Variants in MGAT4C observed in about 807,000 individuals in gnomAD.
MGAT4C encodes the protein alpha-1,3-mannosyl-glycoprotein 4-beta-N-acetylglucosaminyltransferase C.
A neutral mutation model predicts 40.1 loss-of-function variants in MGAT4C; 19 were observed. The observed-to-expected ratio is 0.47, with a 90% CI of 0.33 to 0.70. MGAT4C has a LOEUF of 0.70. Among genes scored for constraint, MGAT4C ranks in the 30% least tolerant of loss-of-function variants. The pLI is 0.02. For synonymous variants in MGAT4C, 181 were observed against 187.1 expected (o/e 0.97, Z 0.27); for missense variants, 491 against 563.2 (o/e 0.87, Z 1.30).
At chr12:86,041,568 C>T (rs1410762503) in intron 2 of MGAT4C, among the ~76,000 whole-genome samples, 4 of 152,168 alleles carry the variant, frequency 2.6e-5, no homozygotes, top group Non-Finnish European at 4.4e-5. Context: ...GCCTTAATCT[C>T]ATCGTTTACC....
chr12:86,334,598 C>T (rs1001169635), intron 3 of MGAT4C, among the ~76,000 whole-genome samples: 16 of 152,036 alleles, frequency 1.1e-4, no homozygotes, highest in Non-Finnish European at 2.9e-5. Flanking sequence ...ATTACCAATA[C>T]CATATCCAAT....
chr12:86,330,940 A>G (rs1268170096), intron 4 of MGAT4C, among the ~76,000 whole-genome samples: 1 of 152,152 alleles, frequency 6.6e-6, no homozygotes, highest in Non-Finnish European at 1.5e-5. Flanking sequence ...TCATATAGCA[A>G]TTATTATCCC....
chr12:86,547,244 G>A (rs945072499), intron 2 of MGAT4C, among the ~76,000 whole-genome samples: 4 of 151,954 alleles, frequency 2.6e-5, no homozygotes, highest in Non-Finnish European at 4.4e-5. Context: ...CCAAAGTGAA[G>A]CTTGTTTTTC....
At chr12:86,200,325 C>G (rs1437006423) in intron 1 of MGAT4C, among the ~76,000 whole-genome samples, 1 of 151,896 alleles carries the variant, frequency 6.6e-6, no homozygotes, top group Non-Finnish European at 1.5e-5. Context: ...TGACTCTTAC[C>G]TATAAAGCTT....
intron 4 of MGAT4C, among the ~76,000 whole-genome samples, chr12:86,276,837 G>T (rs924103655): frequency 6.6e-6 from 1 of 152,152 alleles, no homozygotes; most frequent in Non-Finnish European, 1.5e-5. Flanking sequence ...TTTGTCTGTT[G>T]ATGGACACTT....
At chr12:86,740,460 CA>C (rs1250195384) in intron 1 of MGAT4C, among the ~76,000 whole-genome samples, 2 of 150,844 alleles carry the variant, frequency 1.3e-5, no homozygotes, top group South Asian at 4.2e-4. Context: ...TTTTATTAAC[CA>C]AAAAGATAAT....
At chr12:86,030,644 A>G (rs1413938781) in intron 2 of MGAT4C, among the ~76,000 whole-genome samples, 6 of 151,908 alleles carry the variant, frequency 3.9e-5, no homozygotes, top group Non-Finnish European at 7.4e-5. Context: ...ATTGTTCCCA[A>G]TGGAATATTA....
At chr12:86,654,072 CT>C (rs1963773367) in intron 2 of MGAT4C, among the ~76,000 whole-genome samples, 1 of 151,962 alleles carries the variant, frequency 6.6e-6, no homozygotes, top group South Asian at 2.1e-4. Flanking sequence ...TAAGAAAGCA[CT>C]AAACAAAAAA....
chr12:86,307,534 T>C (rs1953965562), intron 4 of MGAT4C, among the ~76,000 whole-genome samples: 1 of 150,364 alleles, frequency 6.7e-6, no homozygotes, highest in South Asian at 2.1e-4. Flanking sequence ...GGAGAAATGC[T>C]GTCTATGCTC....
At chr12:86,505,461 A>T (rs1224206186) in intron 2 of MGAT4C, among the ~76,000 whole-genome samples, 1 of 152,172 alleles carries the variant, frequency 6.6e-6, no homozygotes, top group Non-Finnish European at 1.5e-5. Context: ...CCCACCTAAA[A>T]TTCTATACAT....
chr12:86,475,655 T>C (rs1342805200), intron 2 of MGAT4C, among the ~76,000 whole-genome samples: 1 of 152,042 alleles, frequency 6.6e-6, no homozygotes, highest in African/African-American at 2.4e-5. Flanking sequence ...AAATATGTTT[T>C]CAAGGGTATA....
At chr12:86,376,831 A>C (rs1311695373) in intron 3 of MGAT4C, among the ~76,000 whole-genome samples, 1 of 116,670 alleles carries the variant, frequency 8.6e-6, no homozygotes, top group Admixed American at 9.8e-5. Context: ...AGAGAGAGAG[A>C]GAGAGAGAGA....
intron 2 of MGAT4C, among the ~76,000 whole-genome samples, chr12:86,499,020 A>G (rs1958289335): frequency 6.6e-6 from 1 of 152,014 alleles, no homozygotes; most frequent in African/African-American, 2.4e-5. Flanking sequence ...GTAAATAAAC[A>G]GTGGAAGTAC....
In MGAT4C at chr12:86,010,616, T is replaced by G. The variant is rs550556163; in HGVS notation, c.-6-21064A>C. Among the ~76,000 whole-genome samples, 51 of 152,238 alleles carry G rather than the reference T, an allele frequency of 3.4e-4. No homozygotes were observed. The East Asian group carries it at 9.3e-3, about 28-fold the overall frequency. On this transcript the variant is annotated intron_variant, in intron 2 of 4. Coordinates refer to ENST00000611864, the MANE Select transcript of MGAT4C (RefSeq NM_001351288.2). ...TTGCTTGAAACCGGGAGGCGGAGGT[T>G]GCAGTGAGCTGAGGTTGTGCCATTG...
chr12:86,114,788 G>A (rs960661115), intron 1 of MGAT4C, among the ~76,000 whole-genome samples: 8 of 151,674 alleles, frequency 5.3e-5, no homozygotes, highest in East Asian at 1.9e-4. Flanking sequence ...TCTTCCAACC[G>A]CCCCCCGGCC....
At chr12:86,039,548 G>A (rs769973615) in intron 2 of MGAT4C, among the ~76,000 whole-genome samples, 3 of 151,978 alleles carry the variant, frequency 2.0e-5, no homozygotes, top group Non-Finnish European at 2.9e-5. Context: ...TGAAGTTCTC[G>A]TGCTGTGTTT....
chr12:86,119,401 G>A (rs1689363), intron 1 of MGAT4C, among the ~76,000 whole-genome samples: 86,982 of 151,702 alleles, frequency 0.57, 25,220 homozygotes, highest in South Asian at 0.71. Context: ...ACAAACTCCC[G>A]TTTTCATTAA....
intron 1 of MGAT4C, 73 bp downstream of exon 1, chr12:86,256,166 C>G (rs1952506846): frequency 6.6e-6 from 1 of 151,792 alleles, no homozygotes; most frequent in African/African-American, 2.4e-5. Context: ...CTTTTTGACC[C>G]TTATAATATT....
At chr12:86,338,339 C>A (rs576236779) in intron 3 of MGAT4C, among the ~76,000 whole-genome samples, 1 of 152,216 alleles carries the variant, frequency 6.6e-6, no homozygotes, top group South Asian at 2.1e-4. Flanking sequence ...CCAGCTGATA[C>A]ATCAAGTGCA....
Sources: allele counts gnomAD v4.1 joint callset (sites outside exome capture counted in the v4.1 genomes callset), GRCh38; gene constraint gnomAD v4.1.1; transcripts MANE v1.5; gene names NCBI Gene and HGNC (gene_info 2026-07-23, HGNC 2026-07-21).